The following FAM13A variants were observed in gnomAD, a reference collection of about 807,000 sequenced individuals.
FAM13A encodes protein FAM13A.
Under a neutral mutation model 129.6 loss-of-function variants are expected in FAM13A, and 76 were observed. That is an observed-to-expected ratio of 0.59 (90% CI 0.49 to 0.71). The LOEUF (loss-of-function observed/expected upper bound fraction) is 0.71, where lower values mean the gene tolerates loss of function less well. Ranked by LOEUF, FAM13A falls within the 30% of genes least tolerant of loss-of-function variation. FAM13A has a pLI of 0.00. For synonymous variants in FAM13A, 443 were observed against 449.9 expected, an observed-to-expected ratio of 0.98 and a Z score of 0.20; for missense variants, 1,108 against 1,249.3, an observed-to-expected ratio of 0.89 and a Z score of 1.70.
intron 7 of FAM13A, among the ~76,000 whole-genome samples, chr4:88,810,787 T>C (rs538801350): frequency 2.0e-5 from 3 of 152,258 alleles, no homozygotes; most frequent in South Asian, 4.1e-4. Flanking sequence ...TTTTTTAAAG[T>C]TTTAATGATG....
chr4:88,920,962 T>C (rs888822452), intron 5 of FAM13A, among the ~76,000 whole-genome samples: 14 of 151,820 alleles, frequency 9.2e-5, no homozygotes, highest in South Asian at 4.2e-4. Flanking sequence ...TGATGGAAGA[T>C]GAAATGAATG....
intron 7 of FAM13A, among the ~76,000 whole-genome samples, chr4:88,818,570 T>C (rs1467633664): frequency 3.3e-5 from 5 of 152,196 alleles, no homozygotes; most frequent in East Asian, 1.9e-4. Context: ...TTGGAGTAAT[T>C]AGCAAATATT....
At chr4:88,999,793 G>GTAAAGCA (rs1355157462) in intron 3 of FAM13A, among the ~76,000 whole-genome samples, 1 of 152,124 alleles carries the variant, frequency 6.6e-6, no homozygotes, top group African/African-American at 2.4e-5. Flanking sequence ...CAGTAAAGCA[G>GTAAAGCA]GTGTTCAAAA....
chr4:88,980,455 C>T (rs1364346183), intron 4 of FAM13A, among the ~76,000 whole-genome samples: 1 of 152,144 alleles, frequency 6.6e-6, no homozygotes, highest in East Asian at 1.9e-4. Flanking sequence ...AGTAGGATTG[C>T]CAGCACAGAA....
chr4:88,903,040 T>C (rs1403495544), intron 6 of FAM13A, among the ~76,000 whole-genome samples: 1 of 152,106 alleles, frequency 6.6e-6, no homozygotes, highest in Non-Finnish European at 1.5e-5. Context: ...GAAATACAGC[T>C]AACAAGGGAA....
At chr4:88,834,053 C>T (rs1316188115) in intron 7 of FAM13A, among the ~76,000 whole-genome samples, 2 of 129,336 alleles carry the variant, frequency 1.5e-5, no homozygotes, top group Non-Finnish European at 3.4e-5. Flanking sequence ...CCAGGCCTGG[C>T]TATTTTTTTT....
At chr4:88,999,650 T>C (rs571992950) in intron 3 of FAM13A, among the ~76,000 whole-genome samples, 1 of 152,324 alleles carries the variant, frequency 6.6e-6, no homozygotes, top group South Asian at 2.1e-4. Context: ...TAAGTGGATT[T>C]GGTGCCATAT....
intron 10 of FAM13A, among the ~76,000 whole-genome samples, chr4:88,781,955 C>T (rs1398785712): frequency 4.0e-5 from 6 of 150,292 alleles, no homozygotes; most frequent in Non-Finnish European, 7.4e-5. Flanking sequence ...CAAACCTGCA[C>T]ATTGTGCACA....
At chr4:89,017,216 A>T (rs1411148462) in intron 3 of FAM13A, among the ~76,000 whole-genome samples, 1 of 152,202 alleles carries the variant, frequency 6.6e-6, no homozygotes, top group African/African-American at 2.4e-5. Flanking sequence ...TGAATGACTC[A>T]AATCTAACCA....
intron 4 of FAM13A, among the ~76,000 whole-genome samples, chr4:88,979,354 G>A (rs980590970): frequency 2.0e-5 from 3 of 152,124 alleles, no homozygotes; most frequent in Non-Finnish European, 2.9e-5. Flanking sequence ...AAATAATTAA[G>A]TAAGTGTGAA....
intron 14 of FAM13A, chr4:88,753,686 A>C (rs887282775): frequency 7.6e-6 from 6 of 789,472 alleles, no homozygotes; most frequent in Non-Finnish European, 9.2e-6. Context: ...TCTATTCAAA[A>C]GAGTTATAAA....
chr4:89,030,304 G>T (rs1442793045), intron 1 of FAM13A, among the ~76,000 whole-genome samples: 2 of 151,840 alleles, frequency 1.3e-5, no homozygotes, highest in Non-Finnish European at 2.9e-5. Context: ...AAATAAAAAT[G>T]CAACTTAGAT....
At chr4:88,830,104 ACTT>A (rs1210132418) in intron 7 of FAM13A, among the ~76,000 whole-genome samples, 3 of 152,116 alleles carry the variant, frequency 2.0e-5, no homozygotes, top group Non-Finnish European at 4.4e-5. Context: ...ACCATAACAA[ACTT>A]CTTCTGCTAC....
intron 5 of FAM13A, among the ~76,000 whole-genome samples, chr4:88,933,822 T>G (rs750103569): frequency 4.6e-5 from 7 of 152,170 alleles, no homozygotes; most frequent in Non-Finnish European, 8.8e-5. Context: ...CTAGTAATCT[T>G]TTTAATACAG....
chr4:88,807,926 G>A (rs1363983055), intron 7 of FAM13A, among the ~76,000 whole-genome samples: 1 of 152,062 alleles, frequency 6.6e-6, no homozygotes, highest in Non-Finnish European at 1.5e-5. Flanking sequence ...CCTGAATTTT[G>A]ACCAGTTTTT....
At chr4:89,048,977 G>C (rs1771212903) in intron 1 of FAM13A, among the ~76,000 whole-genome samples, 2 of 152,222 alleles carry the variant, frequency 1.3e-5, no homozygotes, top group African/African-American at 4.8e-5. Context: ...GAACCATATT[G>C]TAGGAGGTCA....
At chr4:89,031,776 T>C (rs1187520532) in intron 1 of FAM13A, among the ~76,000 whole-genome samples, 1 of 152,236 alleles carries the variant, frequency 6.6e-6, no homozygotes, top group Non-Finnish European at 1.5e-5. Flanking sequence ...CTAATAACTA[T>C]TCTCCATACA....
intron 7 of FAM13A, among the ~76,000 whole-genome samples, chr4:88,807,062 T>C (rs1161453856): frequency 2.0e-5 from 3 of 152,194 alleles, no homozygotes; most frequent in African/African-American, 7.2e-5. Context: ...TTTGTAAAAT[T>C]AGTACTACAT....
chr4:88,954,182 G>A (rs932570698), intron 4 of FAM13A, among the ~76,000 whole-genome samples: 2 of 152,080 alleles, frequency 1.3e-5, no homozygotes, highest in African/African-American at 4.8e-5. Context: ...ATTAATATGA[G>A]GTGCTATATA....
Sources: gnomAD v4.1 joint callset for allele counts (sites outside exome capture counted in the v4.1 genomes callset) on GRCh38, gnomAD v4.1.1 for gene constraint, MANE v1.5 for transcripts, NCBI Gene and HGNC (gene_info 2026-07-23, HGNC 2026-07-21) for gene names.